PTK2B: variants seen among roughly 807,000 people sequenced by gnomAD.
The protein encoded by PTK2B is protein-tyrosine kinase 2-beta.
PTK2B carries 71 observed loss-of-function variants against 142.9 expected under a neutral mutation model. That is an observed-to-expected ratio of 0.50 (90% CI 0.41 to 0.61). PTK2B has a LOEUF of 0.61. Among genes scored for constraint, PTK2B ranks in the 20% least tolerant of loss-of-function variants. PTK2B has a pLI of 0.00. For missense variants in PTK2B, 1,105 were observed against 1,320.4 expected, an observed-to-expected ratio of 0.84 and a Z score of 2.53; for synonymous variants, 519 against 503.4, an observed-to-expected ratio of 1.03 and a Z score of -0.42.
At position 27,430,359 on chromosome 8, in the gene PTK2B, T is replaced by C. The variant is rs112497861; in HGVS notation, c.615-5T>C. 2.6e-5 allele frequency: 42 copies of C among 1,614,092 alleles called. No homozygotes were observed. The East Asian group carries it at 8.9e-4, about 34-fold the overall frequency. ...CACATGCTGCCTTTTTCTTCCTTCT[T>C]GCAGAAAGGAAGTGGGGCTGGACTT... On this transcript the variant is annotated splice_region_variant and splice_polypyrimidine_tract_variant and intron_variant, in intron 6 of 30. Coordinates refer to ENST00000346049, the MANE Select transcript of PTK2B (RefSeq NM_173176.3).
intron 1 of PTK2B, 57 bp from the exon 2 acceptor site, chr8:27,397,491 G>C (rs1361621027): frequency 3.0e-6 from 4 of 1,328,176 alleles, no homozygotes. Flanking sequence ...CTGGGGCCAT[G>C]AGGTATGTGG....
intron 30 of PTK2B, 68 bp from the exon 31 acceptor site, chr8:27,458,226 G>A: frequency 6.7e-7 from 1 of 1,499,312 alleles, no homozygotes; most frequent in Non-Finnish European, 9.2e-7. Flanking sequence ...GGACACCTCT[G>A]TGGCTTCCCT....
intron 11 of PTK2B, 142 bp downstream of exon 11, chr8:27,433,694 T>C (rs1172494324): frequency 1.3e-6 from 1 of 754,640 alleles, no homozygotes; most frequent in Non-Finnish European, 2.2e-6. Flanking sequence ...AAGCTTCCAG[T>C]GGGCCCATCT....
chr8:27,375,583 G>A (rs1441860607), intron 1 of PTK2B, among the ~76,000 whole-genome samples: 3 of 152,202 alleles, frequency 2.0e-5, no homozygotes, highest in Non-Finnish European at 4.4e-5. Context: ...GACCCTTCCA[G>A]TGTTAAATCC....
At chr8:27,401,084 A>G (rs1189438354) in intron 2 of PTK2B, among the ~76,000 whole-genome samples, 1 of 152,200 alleles carries the variant, frequency 6.6e-6, no homozygotes, top group Non-Finnish European at 1.5e-5. Context: ...GGTTGCAGTG[A>G]GCCGAGATCG....
chr8:27,381,735 C>T (rs1027587324), intron 1 of PTK2B, among the ~76,000 whole-genome samples: 4 of 152,184 alleles, frequency 2.6e-5, no homozygotes, highest in Admixed American at 6.5e-5. Context: ...AATCTCCATA[C>T]GGTTCCCCGT....
At position 27,459,327 on chromosome 8, in the gene PTK2B, A is replaced by G. The variant is rs1206010167; in HGVS notation, c.*818A>G. 4.3e-6 allele frequency: 1 copy of G among 233,194 alleles called. No individual in the cohort carries two copies. The highest frequency in any genetic ancestry group is 1.8e-4 in the South Asian group (1 of 5,528). 14.4% of individuals were successfully genotyped at this position (233,194 alleles called of 1,614,324 possible). A position where few individuals can be genotyped will look rare whatever the true frequency, so the allele number is the denominator to read the frequency against. The stretch of plus-strand genomic sequence containing the variant: ...CCCTTCTTTTCTCATGTGTTTGCAT[A>G]AACATTCTTTTAACTTCTTTCTATT... On this transcript the variant is annotated 3_prime_UTR_variant, in exon 31 of 31. Transcript: ENST00000346049.
At chr8:27,318,953 T>C (rs62502390) in intron 3 of PTK2B, among the ~76,000 whole-genome samples, 1 of 151,894 alleles carries the variant, frequency 6.6e-6, no homozygotes. Flanking sequence ...GCCTGGCCTT[T>C]CGTGTTGTTC....
intron 1 of PTK2B, among the ~76,000 whole-genome samples, chr8:27,355,143 A>G (rs1242104587): frequency 6.6e-6 from 1 of 152,194 alleles, no homozygotes; most frequent in Non-Finnish European, 1.5e-5. Context: ...TGCGTGTGCT[A>G]CCTTACATGC....
At chr8:27,384,496 T>C (rs1013663641) in intron 1 of PTK2B, among the ~76,000 whole-genome samples, 1 of 152,206 alleles carries the variant, frequency 6.6e-6, no homozygotes, top group Non-Finnish European at 1.5e-5. Flanking sequence ...CTTTTCCAAC[T>C]TGAATGCCTT....
chr8:27,311,506 G>A, exon 1 of PTK2B: 1 of 527,416 alleles, frequency 1.9e-6, no homozygotes, highest in East Asian at 3.3e-5. Flanking sequence ...CTCAGGTCCG[G>A]GCGGGTCCCT....
intron 1 of PTK2B, among the ~76,000 whole-genome samples, chr8:27,351,350 C>T (rs114285695): frequency 9.3e-4 from 142 of 151,926 alleles, no homozygotes; most frequent in African/African-American, 3.0e-3. Flanking sequence ...CCTTTAATCA[C>T]GGGTGAGAAA....
At chr8:27,419,812 T>A in intron 2 of PTK2B, 83 bp from the exon 3 acceptor site, 1 of 1,452,190 alleles carries the variant, frequency 6.9e-7, no homozygotes, top group Non-Finnish European at 9.5e-7. Flanking sequence ...CCCTAGAGAA[T>A]CCCACTTTTC....
At chr8:27,431,595 T>A in intron 9 of PTK2B, 123 bp downstream of exon 9, 1 of 1,300,498 alleles carries the variant, frequency 7.7e-7, no homozygotes, top group Non-Finnish European at 1.1e-6. Flanking sequence ...AGAGTTCTTC[T>A]AAGGCCATGC....
intron 1 of PTK2B, among the ~76,000 whole-genome samples, chr8:27,362,792 C>T (rs1563220752): frequency 6.6e-6 from 1 of 152,132 alleles, no homozygotes; most frequent in South Asian, 2.1e-4. Context: ...ACTGTTCCCA[C>T]GTGAAATCTA....
At chr8:27,315,543 T>A (rs1163246634) in intron 3 of PTK2B, among the ~76,000 whole-genome samples, 3 of 152,172 alleles carry the variant, frequency 2.0e-5, no homozygotes, top group Admixed American at 1.3e-4. Context: ...TTCTCTTATC[T>A]CTGTGTCCCA....
chr8:27,419,234 C>A (rs937845709), intron 2 of PTK2B, among the ~76,000 whole-genome samples: 2 of 152,222 alleles, frequency 1.3e-5, no homozygotes, highest in Non-Finnish European at 2.9e-5. Flanking sequence ...TTCTTGCCAG[C>A]ACTCATTTCT....
chr8:27,392,199 G>A (rs916256667), intron 1 of PTK2B, among the ~76,000 whole-genome samples: 1 of 152,052 alleles, frequency 6.6e-6, no homozygotes, highest in Non-Finnish European at 1.5e-5. Context: ...TCAGCAGATT[G>A]TTCTCATCTC....
At chr8:27,439,821 C>T (rs76754201) in intron 20 of PTK2B, among the ~76,000 whole-genome samples, 3,892 of 152,278 alleles carry the variant, frequency 0.026, 174 homozygotes, top group African/African-American at 0.089. Flanking sequence ...ATTATTATTA[C>T]TCTCATTTTC....
Sources: gnomAD v4.1 joint callset for allele counts (sites outside exome capture counted in the v4.1 genomes callset) on GRCh38, gnomAD v4.1.1 for gene constraint, MANE v1.5 for transcripts, NCBI Gene and HGNC (gene_info 2026-07-23, HGNC 2026-07-21) for gene names.